CRPPA: variants seen among roughly 807,000 people sequenced by gnomAD.
CRPPA encodes the protein CDP-L-ribitol pyrophosphorylase A, also known as D-ribitol-5-phosphate cytidylyltransferase.
A neutral mutation model predicts 52.0 loss-of-function variants in CRPPA; 43 were observed. That is an observed-to-expected ratio of 0.83 (90% CI 0.65 to 1.07). The LOEUF (loss-of-function observed/expected upper bound fraction) is 1.07. Among genes scored for constraint, CRPPA ranks in the 50% least tolerant of loss-of-function variants. The pLI is 0.00. For synonymous variants in CRPPA, 250 were observed against 203.5 expected, an observed-to-expected ratio of 1.23 and a Z score of -1.94; for missense variants, 629 against 551.7, an observed-to-expected ratio of 1.14 and a Z score of -1.40.
chr7:16,216,592 C>T (rs1042281683), intron 8 of CRPPA: 18 of 167,166 alleles, frequency 1.1e-4, no homozygotes, highest in Middle Eastern at 2.8e-3. Flanking sequence ...GCGCACCGTG[C>T]GTGAGCGGAA....
intron 9 of CRPPA, among the ~76,000 whole-genome samples, chr7:16,163,366 T>G (rs1780959574): frequency 1.3e-5 from 2 of 152,102 alleles, no homozygotes; most frequent in African/African-American, 4.8e-5. Context: ...TCCATTTGCT[T>G]GGTAAATATT....
intron 6 of CRPPA, among the ~76,000 whole-genome samples, chr7:16,262,815 C>T (rs997138621): frequency 3.9e-5 from 6 of 152,162 alleles, no homozygotes; most frequent in Middle Eastern, 3.2e-3. Flanking sequence ...GGGAGATCCA[C>T]GGGCAGGGTT....
chr7:16,188,172 G>C (rs1781542502), intron 9 of CRPPA, among the ~76,000 whole-genome samples: 1 of 151,130 alleles, frequency 6.6e-6, no homozygotes, highest in Admixed American at 6.7e-5. Flanking sequence ...TTTTAGTAGA[G>C]ACGGGGTTTC....
At chr7:16,394,068 C>T (rs561197581) in intron 2 of CRPPA, among the ~76,000 whole-genome samples, 50 of 152,052 alleles carry the variant, frequency 3.3e-4, no homozygotes, top group South Asian at 2.3e-3. Context: ...ACTTCTTTTA[C>T]GTTACTGATG....
In CRPPA at chr7:16,200,821, G is replaced by A. The variant is rs143829289; in HGVS notation, c.1251+15245C>T. ...AGACAATGAATTTTCACACGGTAATGTGGTGAGAAAACATGCAGAAACCTG... is the reference window on the plus strand; with the variant it reads ...AGACAATGAATTTTCACACGGTAATATGGTGAGAAAACATGCAGAAACCTG... On this transcript the variant is annotated intron_variant, in intron 9 of 9. Coordinates refer to ENST00000407010, the MANE Select transcript of CRPPA (RefSeq NM_001101426.4). Among the ~76,000 whole-genome samples, 10 of 152,306 alleles carry A rather than the reference G, an allele frequency of 6.6e-5. No individual in the cohort carries two copies. In the East Asian group the frequency reaches 1.7e-3, roughly 26 times the overall value.
At chr7:16,243,515 T>C (rs571611513) in intron 8 of CRPPA, among the ~76,000 whole-genome samples, 4 of 152,186 alleles carry the variant, frequency 2.6e-5, no homozygotes, top group East Asian at 1.9e-4. Flanking sequence ...CTAAATAGCA[T>C]AGAAATGAGA....
intron 8 of CRPPA, among the ~76,000 whole-genome samples, chr7:16,236,853 G>C (rs1782965258): frequency 6.6e-6 from 1 of 152,020 alleles, no homozygotes; most frequent in African/African-American, 2.4e-5. Context: ...TTTAAATTGT[G>C]TCTATCCCTG....
At chr7:16,326,552 A>G (rs1202460734) in intron 3 of CRPPA, among the ~76,000 whole-genome samples, 2 of 152,232 alleles carry the variant, frequency 1.3e-5, no homozygotes, top group Non-Finnish European at 2.9e-5. Flanking sequence ...CTGGGACCAC[A>G]ACAAAAACTG....
chr7:16,354,124 A>G (rs1786235121), intron 3 of CRPPA, among the ~76,000 whole-genome samples: 2 of 152,198 alleles, frequency 1.3e-5, no homozygotes, highest in Non-Finnish European at 2.9e-5. Flanking sequence ...ACTGAAAATA[A>G]CACTGTCAGG....
intron 2 of CRPPA, among the ~76,000 whole-genome samples, chr7:16,403,022 T>C (rs1583583298): frequency 1.3e-5 from 2 of 152,256 alleles, no homozygotes; most frequent in East Asian, 3.9e-4. Context: ...TATCTAAGCA[T>C]TCAGAGAGAA....
At chr7:16,384,573 A>C (rs1184558967) in intron 2 of CRPPA, among the ~76,000 whole-genome samples, 2 of 152,258 alleles carry the variant, frequency 1.3e-5, no homozygotes, top group Non-Finnish European at 2.9e-5. Context: ...GAGATATCAA[A>C]GGCAGACAAT....
At chr7:16,167,879 T>G (rs1583404041) in intron 9 of CRPPA, among the ~76,000 whole-genome samples, 1 of 152,226 alleles carries the variant, frequency 6.6e-6, no homozygotes, top group Non-Finnish European at 1.5e-5. Flanking sequence ...ATGAACTTCT[T>G]TCCTAGTAGA....
intron 3 of CRPPA, among the ~76,000 whole-genome samples, chr7:16,335,353 C>A (rs1785654867): frequency 6.6e-6 from 1 of 151,908 alleles, no homozygotes; most frequent in Non-Finnish European, 1.5e-5. Context: ...ACTCCTTCCC[C>A]CACCCTCTGC....
chr7:16,113,982 T>G (rs1387979838), intron 9 of CRPPA, among the ~76,000 whole-genome samples: 6 of 151,654 alleles, frequency 4.0e-5, no homozygotes, highest in Non-Finnish European at 8.8e-5. Context: ...AAAGGATATT[T>G]AAAAGAACAA....
intron 9 of CRPPA, among the ~76,000 whole-genome samples, chr7:16,161,816 G>A (rs984961713): frequency 2.6e-5 from 4 of 152,062 alleles, no homozygotes; most frequent in African/African-American, 9.7e-5. Flanking sequence ...GTCTGGTCCT[G>A]GGCTTTTTTT....
chr7:16,398,751 T>C (rs1161821783), intron 2 of CRPPA, among the ~76,000 whole-genome samples: 1 of 152,096 alleles, frequency 6.6e-6, no homozygotes, highest in Non-Finnish European at 1.5e-5. Context: ...ATGCCTGACA[T>C]GTGACAAACA....
chr7:16,412,361 T>G (rs2128319477), intron 1 of CRPPA, among the ~76,000 whole-genome samples: 1 of 152,312 alleles, frequency 6.6e-6, no homozygotes, highest in Non-Finnish European at 1.5e-5. Flanking sequence ...TGAATTTTCT[T>G]TCAAATGTGC....
intron 9 of CRPPA, among the ~76,000 whole-genome samples, chr7:16,170,495 A>T (rs981672190): frequency 6.6e-6 from 1 of 152,202 alleles, no homozygotes; most frequent in Non-Finnish European, 1.5e-5. Flanking sequence ...TGCAGTGAGT[A>T]TTACAGCTCA....
chr7:16,361,909 C>A lies in CRPPA; in HGVS notation c.684+14183G>T, dbSNP rs181493520. 1.5e-4 allele frequency among the ~76,000 whole-genome samples: 23 copies of A among 152,230 alleles called. No homozygotes were observed. In the East Asian group the frequency reaches 4.4e-3, roughly 29 times the overall value. On this transcript the variant is annotated intron_variant, in intron 3 of 9. Coordinates refer to ENST00000407010, the MANE Select transcript of CRPPA (RefSeq NM_001101426.4). The stretch of plus-strand genomic sequence containing the variant: ...TCGCTCTATCGCCCAGGCTGGAGCG[C>A]AGTGGCTCTATCTCGGCTCACTGCA...
Sources: gnomAD v4.1 joint callset for allele counts (sites outside exome capture counted in the v4.1 genomes callset) on GRCh38, gnomAD v4.1.1 for gene constraint, MANE v1.5 for transcripts, NCBI Gene and HGNC (gene_info 2026-07-23, HGNC 2026-07-21) for gene names.